The following SNAPC3 variants were observed in gnomAD, a reference collection of about 807,000 sequenced individuals.
SNAPC3 encodes the protein small nuclear RNA activating complex polypeptide 3, also known as snRNA-activating protein complex subunit 3.
In SNAPC3, 56 loss-of-function variants were observed where a neutral mutation model predicts 47.7. That is an observed-to-expected ratio of 1.18 (90% CI 0.95 to 1.47). The LOEUF (loss-of-function observed/expected upper bound fraction) is 1.47. Ranked by LOEUF, SNAPC3 falls within the 40% of genes most tolerant of loss-of-function variation. SNAPC3 has a pLI of 0.00. For missense variants in SNAPC3, 665 were observed against 511.3 expected, an observed-to-expected ratio of 1.30 and a Z score of -2.90; for synonymous variants, 235 against 189.9, an observed-to-expected ratio of 1.24 and a Z score of -1.95.
Position 15,423,103 on chromosome 9 carries a change from A to G in SNAPC3, c.224A>G (p.Gln75Arg). ...CCGGCATCCGCTCTGCCTGGGAGCC[A>G]GGCAGCTGACTCCGACCGGGAGGAT... ...EPPASALPGSQAADSDREDAA... is the reference protein window; with the variant it reads ...EPPASALPGSRAADSDREDAA... The change falls in exon 1 of 9, where the codon CAG becomes CGG. Residue 75 changes from glutamine to arginine, a missense_variant. Coordinates refer to ENST00000380821, the MANE Select transcript of SNAPC3 (RefSeq NM_001039697.2). The G allele has an allele frequency of 6.5e-7, 1 of 1,550,190 alleles. No homozygotes were observed. Among genetic ancestry groups the G allele is most frequent in the Non-Finnish European group, 8.6e-7 (1 of 1,158,388 alleles).
At chr9:15,427,754 T>C (rs535276498) in intron 2 of SNAPC3, among the ~76,000 whole-genome samples, 26 of 152,156 alleles carry the variant, frequency 1.7e-4, no homozygotes, top group Admixed American at 3.3e-4. Flanking sequence ...ATGTACTGTT[T>C]AAAGGTTAAC....
chr9:15,448,650 TCA>T (rs1020344667), intron 5 of SNAPC3, among the ~76,000 whole-genome samples: 2 of 152,206 alleles, frequency 1.3e-5, no homozygotes, highest in African/African-American at 4.8e-5. Flanking sequence ...AGCATATGGC[TCA>T]CATGTAGATT....
chr9:15,454,085 T>G (rs2034591941), intron 7 of SNAPC3, among the ~76,000 whole-genome samples: 1 of 152,086 alleles, frequency 6.6e-6, no homozygotes, highest in Admixed American at 6.6e-5. Context: ...ATACAAAAAT[T>G]AGCTGAGCAT....
chr9:15,452,443 C>T (rs890687306), intron 6 of SNAPC3, among the ~76,000 whole-genome samples: 4 of 152,104 alleles, frequency 2.6e-5, no homozygotes, highest in African/African-American at 9.7e-5. Context: ...CTCAGCCTCC[C>T]CAGTAGCTGG....
intron 3 of SNAPC3, 144 bp from the exon 4 acceptor site, chr9:15,444,458 G>A: frequency 1.7e-6 from 1 of 576,636 alleles, no homozygotes; most frequent in East Asian, 2.9e-5. Flanking sequence ...AAAGCTTAGA[G>A]ATGTCTTAAC....
intron 4 of SNAPC3, 92 bp downstream of exon 4, chr9:15,444,798 TAAA>T: frequency 1.5e-6 from 1 of 688,878 alleles, no homozygotes; most frequent in Non-Finnish European, 2.4e-6. Flanking sequence ...ATGCTTACAT[TAAA>T]AATAAACACT....
chr9:15,438,218 G>T (rs1362468550), intron 3 of SNAPC3, among the ~76,000 whole-genome samples: 9 of 152,126 alleles, frequency 5.9e-5, no homozygotes, highest in African/African-American at 2.2e-4. Context: ...TAGTTTGTAT[G>T]TTTCCAGGAA....
intron 3 of SNAPC3, among the ~76,000 whole-genome samples, chr9:15,443,626 T>A (rs1040850325): frequency 6.6e-6 from 1 of 152,098 alleles, no homozygotes; most frequent in Non-Finnish European, 1.5e-5. Flanking sequence ...CCAATATAGA[T>A]CCTGCTGGGG....
In SNAPC3 at chr9:15,460,571, A is replaced by C. The variant is rs1219642992; in HGVS notation, c.*705A>C. 1.3e-5 allele frequency: 2 copies of C among 152,244 alleles called. No homozygotes were observed. Among genetic ancestry groups the C allele is most frequent in the Admixed American group, 6.5e-5 (1 of 15,276 alleles). The allele number at this position is 152,244 out of a possible 1,614,324, so 9.4% of individuals were successfully genotyped here. The stretch of plus-strand genomic sequence containing the variant: ...ATGCCTGGCTAATTTTTGTATTTTT[A>C]GTAGAGACGGGGTTTCACCATGTTG... On this transcript the variant is annotated 3_prime_UTR_variant, in exon 9 of 9. Transcript: ENST00000380821.
chr9:15,425,590 T>G (rs1459101393), intron 2 of SNAPC3, among the ~76,000 whole-genome samples: 1 of 152,210 alleles, frequency 6.6e-6, no homozygotes, highest in African/African-American at 2.4e-5. Context: ...AGGAAACAGA[T>G]GCATTTATAC....
chr9:15,455,428 G>A (rs2034704896), intron 7 of SNAPC3, among the ~76,000 whole-genome samples: 1 of 152,134 alleles, frequency 6.6e-6, no homozygotes, highest in Non-Finnish European at 1.5e-5. Flanking sequence ...TTAGCCAGGT[G>A]TGGTGATGGG....
At chr9:15,442,878 A>G (rs1433464090) in intron 3 of SNAPC3, among the ~76,000 whole-genome samples, 1 of 152,198 alleles carries the variant, frequency 6.6e-6, no homozygotes, top group African/African-American at 2.4e-5. Context: ...CAGCCTGGGC[A>G]ACATTGAGCA....
chr9:15,428,112 A>C (rs1420762135), intron 2 of SNAPC3, among the ~76,000 whole-genome samples: 2 of 14,144 alleles, frequency 1.4e-4, no homozygotes, highest in Admixed American at 1.1e-3. Flanking sequence ...CTCTGTCTCC[A>C]AAAAAAAAAA....
intron 2 of SNAPC3, among the ~76,000 whole-genome samples, chr9:15,431,266 A>G (rs1223783173): frequency 6.6e-6 from 1 of 152,172 alleles, no homozygotes; most frequent in African/African-American, 2.4e-5. Flanking sequence ...ATGCAGTACC[A>G]TAGCAACTTC....
intron 2 of SNAPC3, among the ~76,000 whole-genome samples, chr9:15,426,766 CTTTGG>C (rs1420221034): frequency 1.3e-5 from 2 of 152,014 alleles, no homozygotes. Context: ...AACTAGATCT[CTTTGG>C]TTTCTTCTAG....
At chr9:15,459,530 G>A (rs7861921) in intron 8 of SNAPC3, among the ~76,000 whole-genome samples, 189 bp from the exon 9 acceptor site, 8 of 152,122 alleles carry the variant, frequency 5.3e-5, no homozygotes, top group African/African-American at 1.2e-4. Context: ...ATGCCCTTTC[G>A]CTTTGTAGAG....
At chr9:15,435,760 T>C (rs1207781327) in intron 3 of SNAPC3, among the ~76,000 whole-genome samples, 2 of 151,632 alleles carry the variant, frequency 1.3e-5, no homozygotes, top group Non-Finnish European at 2.9e-5. Context: ...CTTTGTATAT[T>C]CTGGATTCTA....
downstream of SNAPC3, chr9:15,463,249 G>T: frequency 8.9e-6 from 1 of 112,272 alleles, no homozygotes; most frequent in East Asian, 2.5e-4. Flanking sequence ...TTTTGAGATG[G>T]AGTCTTGCTC....
At chr9:15,449,634 C>T (rs1461495176) in intron 5 of SNAPC3, among the ~76,000 whole-genome samples, 17 of 138,678 alleles carry the variant, frequency 1.2e-4, no homozygotes, top group Non-Finnish European at 2.0e-4. Context: ...GCAATGGCAC[C>T]GTCTCGGCTC....
Sources: gnomAD v4.1 joint callset for allele counts (sites outside exome capture counted in the v4.1 genomes callset) on GRCh38, gnomAD v4.1.1 for gene constraint, MANE v1.5 for transcripts, NCBI Gene and HGNC (gene_info 2026-07-23, HGNC 2026-07-21) for gene names.